CACNA2D1: variants seen among roughly 807,000 people sequenced by gnomAD.
The protein encoded by CACNA2D1 is voltage-dependent calcium channel subunit alpha-2/delta-1.
In CACNA2D1, 53 loss-of-function variants were observed where a neutral mutation model predicts 171.5. That is an observed-to-expected ratio of 0.31 (90% CI 0.25 to 0.39). The LOEUF is 0.39. Ranked by LOEUF, CACNA2D1 falls within the 10% of genes least tolerant of loss-of-function variation. CACNA2D1 has a pLI of 1.00. For synonymous variants in CACNA2D1, 442 were observed against 443.1 expected, an observed-to-expected ratio of 1.00 and a Z score of 0.03; for missense variants, 903 against 1,299.8, an observed-to-expected ratio of 0.69 and a Z score of 4.69.
intron 10 of CACNA2D1, among the ~76,000 whole-genome samples, chr7:82,048,863 T>C (rs1209525486): frequency 1.3e-5 from 2 of 152,094 alleles, no homozygotes. Context: ...CATCTTTTCC[T>C]AGTCCTTCAA....
At chr7:82,296,310 G>C (rs1812283145) in intron 3 of CACNA2D1, among the ~76,000 whole-genome samples, 1 of 151,700 alleles carries the variant, frequency 6.6e-6, no homozygotes, top group Non-Finnish European at 1.5e-5. Flanking sequence ...AACTATTTCT[G>C]TAAGTGACCC....
intron 3 of CACNA2D1, among the ~76,000 whole-genome samples, chr7:82,231,506 T>C (rs889074651): frequency 6.6e-6 from 1 of 152,176 alleles, no homozygotes; most frequent in Non-Finnish European, 1.5e-5. Context: ...TTCAAAGGTA[T>C]GTTTTGAGGG....
intron 4 of CACNA2D1, among the ~76,000 whole-genome samples, chr7:82,169,508 GACT>G (rs1467344712): frequency 6.6e-6 from 1 of 151,972 alleles, no homozygotes; most frequent in African/African-American, 2.4e-5. Context: ...AAGAATGGAA[GACT>G]ATTATATACA....
At chr7:82,002,021 C>CAAAAAAAAA (rs35861959) in intron 18 of CACNA2D1, among the ~76,000 whole-genome samples, 11 of 89,434 alleles carry the variant, frequency 1.2e-4, no homozygotes, top group Middle Eastern at 8.5e-3. Flanking sequence ...ATTGATTTGA[C>CAAAAAAAAA]AAAAAAAAAA....
chr7:82,201,591 T>C (rs990677303), intron 3 of CACNA2D1, among the ~76,000 whole-genome samples: 1 of 152,162 alleles, frequency 6.6e-6, no homozygotes, highest in Non-Finnish European at 1.5e-5. Flanking sequence ...TTCCCCCAGG[T>C]GCAGTGTTAG....
chr7:82,254,604 G>A (rs1327426595), intron 3 of CACNA2D1, among the ~76,000 whole-genome samples: 1 of 152,092 alleles, frequency 6.6e-6, no homozygotes, highest in Non-Finnish European at 1.5e-5. Context: ...CTAGTGGTAG[G>A]AGGAAGAAAT....
chr7:82,175,529 A>C (rs912939983), intron 3 of CACNA2D1, among the ~76,000 whole-genome samples: 1 of 152,054 alleles, frequency 6.6e-6, no homozygotes, highest in Admixed American at 6.6e-5. Context: ...AGCATATCAA[A>C]AGGATCAGGA....
chr7:82,060,223 A>ATATATATATAT (rs1806654820), intron 10 of CACNA2D1, among the ~76,000 whole-genome samples: 6 of 17,360 alleles, frequency 3.5e-4, no homozygotes, highest in Admixed American at 1.1e-3. Flanking sequence ...TATATATATA[A>ATATATATATAT]TATATATATA....
At chr7:82,050,959 A>C (rs757403984) in intron 10 of CACNA2D1, 3 of 281,772 alleles carry the variant, frequency 1.1e-5, no homozygotes, top group Non-Finnish European at 1.4e-5. Context: ...CTACCAGTCC[A>C]TCTAAGAGAC....
chr7:82,009,921 A>C (rs1413954622), intron 15 of CACNA2D1, among the ~76,000 whole-genome samples: 1 of 152,022 alleles, frequency 6.6e-6, no homozygotes. Context: ...TTTGTCTCCT[A>C]ATTAAAATGA....
chr7:82,321,516 C>G (rs879554564), intron 3 of CACNA2D1, among the ~76,000 whole-genome samples: 2 of 152,182 alleles, frequency 1.3e-5, no homozygotes, highest in Non-Finnish European at 2.9e-5. Context: ...TGTATCTTAT[C>G]TTCAAACACA....
intron 1 of CACNA2D1, among the ~76,000 whole-genome samples, chr7:82,370,334 T>C (rs1428638790): frequency 6.6e-6 from 1 of 152,024 alleles, no homozygotes; most frequent in Admixed American, 6.6e-5. Flanking sequence ...AGTATGAAAT[T>C]TTGGAAAATC....
chr7:82,270,009 A>T (rs1808405867), intron 3 of CACNA2D1, among the ~76,000 whole-genome samples: 2 of 152,142 alleles, frequency 1.3e-5, no homozygotes, highest in Non-Finnish European at 2.9e-5. Context: ...AGAGAATACA[A>T]GAAAGACTCC....
intron 3 of CACNA2D1, among the ~76,000 whole-genome samples, chr7:82,267,611 T>C (rs534692688): frequency 1.3e-5 from 2 of 152,334 alleles, no homozygotes; most frequent in East Asian, 3.9e-4. Flanking sequence ...CTTCTTTTTA[T>C]AACTGTCACC....
intron 1 of CACNA2D1, among the ~76,000 whole-genome samples, chr7:82,396,258 A>G (rs1825748710): frequency 6.6e-6 from 1 of 152,118 alleles, no homozygotes; most frequent in African/African-American, 2.4e-5. Context: ...CTGAGGCAGG[A>G]GGATCGCCTG....
intron 1 of CACNA2D1, among the ~76,000 whole-genome samples, chr7:82,389,097 C>A (rs1824773802): frequency 6.7e-6 from 1 of 149,638 alleles, no homozygotes; most frequent in African/African-American, 2.5e-5. Flanking sequence ...GCCTGGGCAA[C>A]AGAGCGAGAC....
chr7:82,025,716 A>G (rs1161409955), intron 12 of CACNA2D1, among the ~76,000 whole-genome samples: 1 of 151,716 alleles, frequency 6.6e-6, no homozygotes, highest in East Asian at 1.9e-4. Flanking sequence ...CGTATGATCT[A>G]TCCTGAAGAA....
chr7:82,192,192 G>C (rs749937784), intron 3 of CACNA2D1, among the ~76,000 whole-genome samples: 6 of 151,384 alleles, frequency 4.0e-5, no homozygotes, highest in Non-Finnish European at 7.4e-5. Context: ...GAATGACTTT[G>C]TGTCCAAAAG....
chr7:82,032,233 C>G (rs2131148849), intron 12 of CACNA2D1, among the ~76,000 whole-genome samples: 1 of 152,018 alleles, frequency 6.6e-6, no homozygotes, highest in South Asian at 2.1e-4. Flanking sequence ...TCACAGTCTT[C>G]ATTTGCTTAT....
Sources: allele counts gnomAD v4.1 joint callset (sites outside exome capture counted in the v4.1 genomes callset), GRCh38; gene constraint gnomAD v4.1.1; transcripts MANE v1.5; gene names NCBI Gene and HGNC (gene_info 2026-07-23, HGNC 2026-07-21).